GRIK2: variants seen among roughly 807,000 people sequenced by gnomAD.
The protein encoded by GRIK2 is glutamate receptor ionotropic, kainate 2.
In GRIK2, 32 loss-of-function variants were observed where a neutral mutation model predicts 100.3. The ratio of observed to expected loss-of-function variants is 0.32; its 90% confidence interval spans 0.24 to 0.43. The LOEUF (loss-of-function observed/expected upper bound fraction) is 0.43, where lower values mean the gene tolerates loss of function less well. Ranked by LOEUF, GRIK2 falls within the 20% of genes least tolerant of loss-of-function variation. The pLI is 1.00. For synonymous variants in GRIK2, 417 were observed against 389.4 expected (o/e 1.07, Z -0.83); for missense variants, 843 against 1,114.9 (o/e 0.76, Z 3.47).
intron 14 of GRIK2, among the ~76,000 whole-genome samples, chr6:101,931,531 A>C (rs186145233): frequency 7.2e-5 from 11 of 152,266 alleles, no homozygotes; most frequent in East Asian, 3.9e-4. Context: ...AATCCTCAGC[A>C]TTGCAAAGAC....
At chr6:101,635,261 T>A (rs951491244) in intron 4 of GRIK2, among the ~76,000 whole-genome samples, 7 of 152,180 alleles carry the variant, frequency 4.6e-5, no homozygotes, top group Admixed American at 2.0e-4. Context: ...CATAGCTTGG[T>A]GTAGTAGTAT....
Position 101,998,724 on chromosome 6 carries a change from G to T in GRIK2, c.2086-36617G>T, listed in dbSNP as rs566186113. On this transcript the variant is annotated intron_variant, in intron 14 of 16. Coordinates refer to ENST00000369134, the MANE Select transcript of GRIK2 (RefSeq NM_021956.5). ...AATGTTACATGACAGTATTTATTTT[G>T]AAAAGATTATCCTTTCTTCACTGAA... Among the ~76,000 whole-genome samples the T allele has an allele frequency of 9.3e-5, 14 of 151,098 alleles. No individual in the cohort carries two copies. In the South Asian group the frequency reaches 2.5e-3, roughly 27 times the overall value.
rs1033415432 is a variant in GRIK2 at position 101,510,917 on chromosome 6, G to A, written c.116-111032G>A. On this transcript the variant is annotated intron_variant, in intron 2 of 16. Transcript: ENST00000369134. ...CAATAAATAATATCCAATAGACTAC[G>A]ATATATAAAAAAGAACAAAATGATC... Among the ~76,000 whole-genome samples the A allele has an allele frequency of 9.2e-5, 14 of 152,212 alleles. No individual in the cohort carries two copies. The South Asian group carries it at 1.0e-3, about 11-fold the overall frequency.
intron 9 of GRIK2, among the ~76,000 whole-genome samples, chr6:101,802,838 G>T (rs1236040684): frequency 1.3e-5 from 2 of 151,676 alleles, no homozygotes; most frequent in Non-Finnish European, 3.0e-5. Context: ...ATAAAAGTAT[G>T]TTTCTATTTT....
chr6:101,613,579 A>G (rs754798359), intron 2 of GRIK2, among the ~76,000 whole-genome samples: 30 of 151,786 alleles, frequency 2.0e-4, no homozygotes, highest in Non-Finnish European at 3.8e-4. Context: ...GTACATCACA[A>G]ACATAAACTT....
At chr6:101,978,739 T>C (rs1448243180) in intron 14 of GRIK2, among the ~76,000 whole-genome samples, 1 of 152,024 alleles carries the variant, frequency 6.6e-6, no homozygotes, top group African/African-American at 2.4e-5. Flanking sequence ...GGCTCACTTT[T>C]ATAAAAGCTA....
At chr6:101,792,711 T>C (rs1304824097) in intron 7 of GRIK2, among the ~76,000 whole-genome samples, 2 of 152,114 alleles carry the variant, frequency 1.3e-5, no homozygotes, top group African/African-American at 4.8e-5. Context: ...TCGAGGAGTA[T>C]CTTTGTGGTG....
At chr6:101,539,681 T>A (rs1178283751) in intron 2 of GRIK2, among the ~76,000 whole-genome samples, 2 of 151,828 alleles carry the variant, frequency 1.3e-5, no homozygotes, top group Non-Finnish European at 2.9e-5. Context: ...AGTACATTAT[T>A]TTTTGTGTTT....
At chr6:101,957,860 A>C (rs1456352823) in intron 14 of GRIK2, among the ~76,000 whole-genome samples, 2 of 151,854 alleles carry the variant, frequency 1.3e-5, no homozygotes, top group African/African-American at 4.8e-5. Flanking sequence ...TTATTGATGT[A>C]TTCTATATTA....
chr6:101,761,768 T>TC (rs1777687556), intron 7 of GRIK2, among the ~76,000 whole-genome samples: 1 of 120,132 alleles, frequency 8.3e-6, no homozygotes, highest in Non-Finnish European at 1.6e-5. Context: ...AATGCCCCCA[T>TC]TTCCCTCCCT....
chr6:101,467,464 CAA>C (rs1771704991), intron 2 of GRIK2, among the ~76,000 whole-genome samples: 1 of 152,160 alleles, frequency 6.6e-6, no homozygotes, highest in South Asian at 2.1e-4. Context: ...GGATCTGAGA[CAA>C]AGTTTCCAGA....
chr6:101,690,376 G>A (rs577015182), intron 7 of GRIK2, among the ~76,000 whole-genome samples: 7 of 152,074 alleles, frequency 4.6e-5, no homozygotes, highest in East Asian at 1.9e-4. Context: ...GACACCAACC[G>A]CTATCTCCAT....
intron 7 of GRIK2, among the ~76,000 whole-genome samples, chr6:101,712,588 G>T (rs540791387): frequency 2.0e-5 from 3 of 151,730 alleles, no homozygotes; most frequent in Admixed American, 6.6e-5. Flanking sequence ...TTCTAATAAG[G>T]TATTGATTTT....
rs533196728 is a variant in GRIK2, at chr6:101,453,434, T to C, written c.115+54042T>C. ...GCTGCCAGCATATCCTGAACAAATATATTTATATCAAAGCTAAGCTGCTTA... is the reference window on the plus strand; with the variant it reads ...GCTGCCAGCATATCCTGAACAAATACATTTATATCAAAGCTAAGCTGCTTA... On this transcript the variant is annotated intron_variant, in intron 2 of 16. Transcript: ENST00000369134. Among the ~76,000 whole-genome samples, 4 of 152,112 alleles carry C rather than the reference T, an allele frequency of 2.6e-5. No homozygotes were observed. The East Asian group carries it at 5.8e-4, about 22-fold the overall frequency.
Position 101,737,742 on chromosome 6 carries a change from C to T in GRIK2, c.951+51389C>T, listed in dbSNP as rs534367901. Reference sequence around the variant, plus strand: ...TAGGTTTGCACTATGTTTTAATGAGCGTTTCAACTTTTATTGCTTTTATGT... The same window carrying T: ...TAGGTTTGCACTATGTTTTAATGAGTGTTTCAACTTTTATTGCTTTTATGT... On this transcript the variant is annotated intron_variant, in intron 7 of 16. Coordinates refer to ENST00000369134, the MANE Select transcript of GRIK2 (RefSeq NM_021956.5). 6.6e-5 allele frequency among the ~76,000 whole-genome samples: 10 copies of T among 152,242 alleles called. No individual in the cohort carries two copies. The East Asian group carries it at 7.7e-4, about 12-fold the overall frequency.
chr6:101,716,085 A>G (rs1236728944), intron 7 of GRIK2, among the ~76,000 whole-genome samples: 2 of 151,486 alleles, frequency 1.3e-5, no homozygotes, highest in African/African-American at 2.4e-5. Context: ...CTACCTTCCT[A>G]TGTTAGCTCC....
intron 5 of GRIK2, among the ~76,000 whole-genome samples, chr6:101,677,864 A>C (rs1770954593): frequency 6.6e-6 from 1 of 152,180 alleles, no homozygotes; most frequent in African/African-American, 2.4e-5. Flanking sequence ...TGTTTATCCA[A>C]TATTCCAATA....
rs1013967915 is a variant in GRIK2, at chr6:101,788,358, C to G, written c.952-11290C>G. On this transcript the variant is annotated intron_variant, in intron 7 of 16. Coordinates refer to ENST00000369134, the MANE Select transcript of GRIK2 (RefSeq NM_021956.5). ...ATATCTCCTAATGCTATCCCTCCCC[C>G]CTGCCCCCACCCCACAATAGTACCC... is the stretch of plus-strand genomic sequence containing the variant. Among the ~76,000 whole-genome samples, 109 of 152,032 alleles carry G rather than the reference C, an allele frequency of 7.2e-4. 2 individuals carry two copies. Among genetic ancestry groups the G allele is most frequent in the Non-Finnish European group, 4.6e-4 (31 of 67,978 alleles).
Position 101,924,729 on chromosome 6 carries a change from T to A in GRIK2, c.1867+10T>A, listed in dbSNP as rs1216874571. ...GCTCTCATGCAGCAAGGTATACGAT[T>A]CAGCCTGCTATTTCCTTTGGGCACC... On this transcript the variant is annotated intron_variant, in intron 13 of 16. Coordinates refer to ENST00000369134, the MANE Select transcript of GRIK2 (RefSeq NM_021956.5). The A allele has an allele frequency of 1.3e-6, 2 of 1,485,050 alleles. No individual in the cohort carries two copies. The highest frequency in any genetic ancestry group is 2.3e-5 in the South Asian group (2 of 88,526). 92.0% of individuals were successfully genotyped at this position (1,485,050 alleles called of 1,614,324 possible).
Sources: allele counts gnomAD v4.1 joint callset (sites outside exome capture counted in the v4.1 genomes callset), GRCh38; gene constraint gnomAD v4.1.1; transcripts MANE v1.5; gene names NCBI Gene and HGNC (gene_info 2026-07-23, HGNC 2026-07-21).